Variants in AHCYL2 observed in about 807,000 individuals in gnomAD.
AHCYL2 encodes adenosylhomocysteinase like 2.
AHCYL2 carries 28 observed loss-of-function variants against 81.4 expected under a neutral mutation model. That is an observed-to-expected ratio of 0.34 (90% confidence interval 0.25 to 0.47). The LOEUF is 0.47. AHCYL2 is among the 20% of genes least tolerant of loss of function. The pLI is 1.00. For synonymous variants in AHCYL2, 272 were observed against 290.2 expected (o/e 0.94, Z 0.64); for missense variants, 551 against 785.1 (o/e 0.70, Z 3.56).
intron 1 of AHCYL2, among the ~76,000 whole-genome samples, chr7:129,266,534 CAA>C (rs111575838): frequency 1.5e-5 from 2 of 137,896 alleles, no homozygotes; most frequent in African/African-American, 2.7e-5. Flanking sequence ...CGTCCCCCGC[CAA>C]AAAAAAAAAA....
chr7:129,246,880 A>G (rs887089514), intron 1 of AHCYL2, among the ~76,000 whole-genome samples: 1 of 152,188 alleles, frequency 6.6e-6, no homozygotes, highest in Admixed American at 6.5e-5. Context: ...TTTGAGGTTC[A>G]TTCATGTAGT....
At chr7:129,321,523 A>T (rs1209909173) in intron 1 of AHCYL2, among the ~76,000 whole-genome samples, 1 of 152,120 alleles carries the variant, frequency 6.6e-6, no homozygotes, top group Non-Finnish European at 1.5e-5. Flanking sequence ...CTTGGTTGTG[A>T]TATTATTCTT....
At chr7:129,263,273 T>G (rs1248848561) in intron 1 of AHCYL2, among the ~76,000 whole-genome samples, 1 of 152,214 alleles carries the variant, frequency 6.6e-6, no homozygotes, top group Non-Finnish European at 1.5e-5. Context: ...TTCTCTTGTA[T>G]TAGAGATAAA....
chr7:129,361,850 A>C (rs1793941595), intron 1 of AHCYL2, among the ~76,000 whole-genome samples: 1 of 151,970 alleles, frequency 6.6e-6, no homozygotes, highest in Non-Finnish European at 1.5e-5. Context: ...AATAATAGTA[A>C]ATTTTAAATA....
At chr7:129,337,946 G>A (rs1793010005) in intron 1 of AHCYL2, among the ~76,000 whole-genome samples, 3 of 151,954 alleles carry the variant, frequency 2.0e-5, no homozygotes, top group South Asian at 4.2e-4. Flanking sequence ...GTTTCTCCAT[G>A]TTGGTCAGGC....
chr7:129,359,535 G>A (rs548851314), intron 1 of AHCYL2, among the ~76,000 whole-genome samples: 8 of 152,258 alleles, frequency 5.3e-5, no homozygotes, highest in South Asian at 2.1e-4. Flanking sequence ...AGAATATAGC[G>A]AGAAGCACAC....
rs1795789951 is a variant in AHCYL2 at position 129,397,271 on chromosome 7, C to T, written c.770C>T (p.Ala257Val). ...CTGGGGGCCCAGTGCCGATGGGCTG[C>T]CTGCAACATCTATTCCACTCTCAAT... ...GALGAQCRWAACNIYSTLNEV... is the reference protein window; with the variant it reads ...GALGAQCRWAVCNIYSTLNEV... The change falls in exon 5 of 17, where the codon GCC becomes GTC. Residue 257 changes from alanine (A) to valine (V), a missense_variant. This residue lies in a region of AHCYL2 where 316 missense variants were observed against 543.1 expected (regional missense o/e 0.58). Transcript: ENST00000325006. 1.9e-6 allele frequency: 3 copies of T among 1,614,018 alleles called. No homozygotes were observed. Among genetic ancestry groups the T allele is most frequent in the Non-Finnish European group, 2.5e-6 (3 of 1,180,032 alleles).
intron 1 of AHCYL2, among the ~76,000 whole-genome samples, chr7:129,358,409 AAAAC>A (rs1793818831): frequency 6.6e-6 from 1 of 152,178 alleles, no homozygotes; most frequent in Non-Finnish European, 1.5e-5. Flanking sequence ...CACAAAAAAA[AAAAC>A]AAAAAGGAAT....
chr7:129,236,018 GC>G (rs1419635180), intron 1 of AHCYL2, among the ~76,000 whole-genome samples: 34 of 147,014 alleles, frequency 2.3e-4, no homozygotes, highest in African/African-American at 7.9e-4. Flanking sequence ...ATCAAAGATA[GC>G]CTTTTTTTTT....
At chr7:129,401,669 T>G (rs1796044248) in intron 6 of AHCYL2, among the ~76,000 whole-genome samples, 1 of 152,134 alleles carries the variant, frequency 6.6e-6, no homozygotes. Context: ...TCCAACAGTT[T>G]TAATAGTGAC....
intron 2 of AHCYL2, among the ~76,000 whole-genome samples, chr7:129,387,081 T>G (rs1036098953): frequency 1.3e-5 from 2 of 152,274 alleles, no homozygotes; most frequent in Non-Finnish European, 2.9e-5. Context: ...ACAACTTGAC[T>G]CTGACAAGTC....
intron 1 of AHCYL2, among the ~76,000 whole-genome samples, chr7:129,258,460 G>T (rs1274178062): frequency 6.6e-6 from 1 of 151,232 alleles, no homozygotes; most frequent in Non-Finnish European, 1.5e-5. Flanking sequence ...TTAGATAATT[G>T]CCTTTTCTGA....
At chr7:129,309,231 C>G (rs1048947030) in intron 1 of AHCYL2, among the ~76,000 whole-genome samples, 1 of 151,060 alleles carries the variant, frequency 6.6e-6, no homozygotes, top group Admixed American at 6.6e-5. Context: ...GACTTCGTCT[C>G]AAAACAACAA....
At chr7:129,329,854 A>G (rs867101273) in intron 1 of AHCYL2, among the ~76,000 whole-genome samples, 126 of 152,350 alleles carry the variant, frequency 8.3e-4, no homozygotes, top group Middle Eastern at 3.4e-3. Flanking sequence ...TAATGTTAAT[A>G]AATTGGAGAA....
intron 11 of AHCYL2, among the ~76,000 whole-genome samples, chr7:129,412,104 T>G (rs959186375): frequency 6.6e-6 from 1 of 151,786 alleles, no homozygotes; most frequent in Non-Finnish European, 1.5e-5. Flanking sequence ...ATCCCAGCAC[T>G]TTGGAAGGCC....
At chr7:129,370,623 G>A (rs904859830) in intron 1 of AHCYL2, among the ~76,000 whole-genome samples, 6 of 152,298 alleles carry the variant, frequency 3.9e-5, no homozygotes, top group East Asian at 1.9e-4. Context: ...GCATGAACCC[G>A]GGAGGCAGAG....
Position 129,427,276 on chromosome 7 carries a change from G to A in AHCYL2, c.*231G>A. ...TGAAAGCCACAGAGGATGGGCTGAG[G>A]AAGGAAAGAAATGGGGTTACTGCTC... On this transcript the variant is annotated 3_prime_UTR_variant, in exon 17 of 17. Transcript: ENST00000325006. The surrounding 1 kb of genome is among the most constrained non-coding windows in gnomAD (Gnocchi z 5.5). The A allele has an allele frequency of 2.1e-6, 1 of 484,948 alleles. No homozygotes were observed. Among genetic ancestry groups the A allele is most frequent in the Non-Finnish European group, 3.7e-6 (1 of 273,442 alleles). The allele number at this position is 484,948 out of a possible 1,614,324, so 30.0% of individuals were successfully genotyped here. A position where few individuals can be genotyped will look rare whatever the true frequency, so the allele number is the denominator to read the frequency against.
intron 2 of AHCYL2, among the ~76,000 whole-genome samples, chr7:129,386,149 C>T (rs1350678342): frequency 1.3e-5 from 2 of 151,962 alleles, no homozygotes; most frequent in East Asian, 3.9e-4. Context: ...TGGTTCTTAC[C>T]TGATAGCAGG....
chr7:129,394,440 CT>C (rs35797517), intron 4 of AHCYL2, among the ~76,000 whole-genome samples: 89 of 45,738 alleles, frequency 1.9e-3, no homozygotes, highest in African/African-American at 5.8e-3. Flanking sequence ...TTGTATTTGA[CT>C]TTTTTTTTTT....
Sources: gnomAD v4.1 joint callset for allele counts (sites outside exome capture counted in the v4.1 genomes callset) on GRCh38, gnomAD v4.1.1 for gene constraint, gnomAD v4.1.1 regional missense constraint, Gnocchi (gnomAD v3.1) non-coding constraint, MANE v1.5 for transcripts, NCBI Gene and HGNC (gene_info 2026-07-23, HGNC 2026-07-21) for gene names.